Variants in SND1 observed in about 807,000 individuals in gnomAD.
SND1 encodes the protein staphylococcal nuclease domain-containing protein 1.
In SND1, 38 loss-of-function variants were observed where a neutral mutation model predicts 121.7. The ratio of observed to expected loss-of-function variants is 0.31; its 90% CI spans 0.24 to 0.41. The LOEUF (loss-of-function observed/expected upper bound fraction) is 0.41, where lower values mean the gene tolerates loss of function less well. Among genes scored for constraint, SND1 ranks in the 10% least tolerant of loss-of-function variants. SND1 has a pLI of 1.00. For synonymous variants in SND1, 401 were observed against 447.4 expected, an observed-to-expected ratio of 0.90 and a Z score of 1.31; for missense variants, 868 against 1,184.6, an observed-to-expected ratio of 0.73 and a Z score of 3.92.
chr7:128,002,057 T>C (rs1802846747), intron 16 of SND1, among the ~76,000 whole-genome samples: 1 of 152,190 alleles, frequency 6.6e-6, no homozygotes, highest in Non-Finnish European at 1.5e-5. Flanking sequence ...GTGAGCAGCA[T>C]TCAGATTAGA....
chr7:127,673,063 T>C (rs1469961232), intron 1 of SND1, among the ~76,000 whole-genome samples: 2 of 150,132 alleles, frequency 1.3e-5, no homozygotes, highest in Non-Finnish European at 3.0e-5. Context: ...TAATAAGTAA[T>C]ACATATTTTA....
At chr7:128,036,633 A>C (rs1792755955) in intron 16 of SND1, among the ~76,000 whole-genome samples, 1 of 152,260 alleles carries the variant, frequency 6.6e-6, no homozygotes, top group African/African-American at 2.4e-5. Context: ...GATAGAATGG[A>C]GAGGCCTTTC....
At position 128,085,811 on chromosome 7, in the gene SND1, G is replaced by T; in HGVS notation, c.2304+31G>T. The T allele has an allele frequency of 6.4e-7, 1 of 1,574,764 alleles. No homozygotes were observed. Among genetic ancestry groups the T allele is most frequent in the Non-Finnish European group, 8.7e-7 (1 of 1,144,388 alleles). On this transcript the variant is annotated intron_variant, in intron 20 of 23. Coordinates refer to ENST00000354725, the MANE Select transcript of SND1 (RefSeq NM_014390.4). The surrounding 1 kb of genome is among the most constrained non-coding windows in gnomAD (Gnocchi z 4.4). ...TGTTGGGGACCAGAGTGTTGGAGGG[G>T]CTATCAAACACAGCAGCCCCCGAGT... is the stretch of plus-strand genomic sequence containing the variant.
At chr7:127,895,824 A>C (rs1800108194) in intron 13 of SND1, among the ~76,000 whole-genome samples, 1 of 152,008 alleles carries the variant, frequency 6.6e-6, no homozygotes, top group Admixed American at 6.6e-5. Flanking sequence ...CCATTTCCAA[A>C]TAGTTTTCTC....
At chr7:127,693,585 A>G (rs190344748) in intron 2 of SND1, among the ~76,000 whole-genome samples, 2 of 152,306 alleles carry the variant, frequency 1.3e-5, no homozygotes, top group East Asian at 3.9e-4. Flanking sequence ...TCATGGAATA[A>G]TTAGCATGGA....
At chr7:127,817,370 G>A (rs1310258333) in intron 11 of SND1, among the ~76,000 whole-genome samples, 2 of 152,110 alleles carry the variant, frequency 1.3e-5, no homozygotes, top group Non-Finnish European at 2.9e-5. Context: ...TTAGGAATAG[G>A]AATATTTCCC....
intron 18 of SND1, among the ~76,000 whole-genome samples, chr7:128,083,611 T>C (rs1039939706): frequency 5.9e-5 from 9 of 152,244 alleles, no homozygotes; most frequent in Non-Finnish European, 1.2e-4. Flanking sequence ...AGAAGTGAGC[T>C]ATGCTCTATG....
chr7:127,946,594 C>T (rs6953530), intron 15 of SND1, among the ~76,000 whole-genome samples: 8,957 of 152,138 alleles, frequency 0.059, 775 homozygotes, highest in African/African-American at 0.19. Context: ...AGATAGAGTA[C>T]ATGAAACTGG....
chr7:127,924,006 C>G (rs1007160048), intron 14 of SND1, among the ~76,000 whole-genome samples: 13 of 148,386 alleles, frequency 8.8e-5, no homozygotes, highest in Non-Finnish European at 1.6e-4. Context: ...TTTCCTGTGT[C>G]TGTCCTCTTG....
At chr7:127,760,756 G>A (rs1797291164) in intron 10 of SND1, among the ~76,000 whole-genome samples, 1 of 152,234 alleles carries the variant, frequency 6.6e-6, no homozygotes, top group East Asian at 1.9e-4. Context: ...ATATCCAGTA[G>A]CCCTTTGGTA....
intron 2 of SND1, among the ~76,000 whole-genome samples, chr7:127,691,560 TAAATA>T (rs1323479574): frequency 1.3e-5 from 2 of 151,780 alleles, no homozygotes; most frequent in African/African-American, 4.8e-5. Flanking sequence ...AATAAATAAT[TAAATA>T]AAACAAACTA....
intron 10 of SND1, among the ~76,000 whole-genome samples, chr7:127,765,700 A>G (rs1797398426): frequency 6.6e-6 from 1 of 152,196 alleles, no homozygotes; most frequent in South Asian, 2.1e-4. Context: ...GTTTTAGAAG[A>G]TTAAGGCCTC....
At chr7:127,687,830 C>G (rs978174142) in intron 2 of SND1, among the ~76,000 whole-genome samples, 8 of 152,084 alleles carry the variant, frequency 5.3e-5, no homozygotes, top group Non-Finnish European at 1.2e-4. Context: ...GAACTACAGG[C>G]ATGTGCTATC....
At chr7:127,666,831 A>C (rs1465293097) in intron 1 of SND1, among the ~76,000 whole-genome samples, 1 of 152,198 alleles carries the variant, frequency 6.6e-6, no homozygotes, top group Admixed American at 6.5e-5. Context: ...GGACACTGGC[A>C]TCGTGGTGGG....
At chr7:127,789,726 C>T (rs189180676) in intron 10 of SND1, among the ~76,000 whole-genome samples, 1 of 152,296 alleles carries the variant, frequency 6.6e-6, no homozygotes, top group East Asian at 1.9e-4. Flanking sequence ...CATGCTGATT[C>T]ATTTGCTGAG....
intron 10 of SND1, among the ~76,000 whole-genome samples, chr7:127,806,412 A>C (rs1443207986): frequency 6.6e-6 from 1 of 152,164 alleles, no homozygotes; most frequent in Non-Finnish European, 1.5e-5. Context: ...CTCTTTTAGG[A>C]GAAGTCTGGG....
intron 15 of SND1, among the ~76,000 whole-genome samples, chr7:127,942,407 T>C (rs547958625): frequency 6.6e-6 from 1 of 152,300 alleles, no homozygotes; most frequent in Admixed American, 6.5e-5. Flanking sequence ...GATGGTACAA[T>C]AGCTTCAGCA....
intron 10 of SND1, among the ~76,000 whole-genome samples, chr7:127,753,662 A>G (rs1797142948): frequency 6.6e-6 from 1 of 152,176 alleles, no homozygotes; most frequent in African/African-American, 2.4e-5. Flanking sequence ...AAAATTCAGA[A>G]TGTGTGAACA....
intron 12 of SND1, among the ~76,000 whole-genome samples, chr7:127,887,103 C>T (rs746508375): frequency 5.3e-5 from 8 of 151,994 alleles, no homozygotes; most frequent in Non-Finnish European, 1.0e-4. Context: ...TCCTGATCCT[C>T]CTCCCTCAGC....
Sources: allele counts gnomAD v4.1 joint callset (sites outside exome capture counted in the v4.1 genomes callset), GRCh38; gene constraint gnomAD v4.1.1; non-coding constraint Gnocchi (gnomAD v3.1); transcripts MANE v1.5; gene names NCBI Gene and HGNC (gene_info 2026-07-23, HGNC 2026-07-21).